MMGT1: variants seen among roughly 807,000 people sequenced by gnomAD.
MMGT1 encodes membrane magnesium transporter 1.
A neutral mutation model predicts 11.7 loss-of-function variants in MMGT1; 2 were observed. The observed-to-expected ratio is 0.17, with a 90% CI of 0.07 to 0.54. The LOEUF is 0.54. Among genes scored for constraint, MMGT1 ranks in the 20% least tolerant of loss-of-function variants. The pLI, the probability that MMGT1 is intolerant of heterozygous loss-of-function variation, is 0.94. For synonymous variants in MMGT1, 49 were observed against 44.4 expected (o/e 1.10, Z -0.41); for missense variants, 74 against 109.0 (o/e 0.68, Z 1.43).
intron 2 of MMGT1, among the ~76,000 whole-genome samples, chrX:135,970,143 T>C (rs1556612453): frequency 9.0e-6 from 1 of 111,143 alleles, no homozygotes; most frequent in African/African-American, 3.3e-5. Flanking sequence ...GGCAGATGGA[T>C]CACCTGAGGT....
At chrX:135,970,891 AGAGT>A (rs1556612535) in intron 2 of MMGT1, among the ~76,000 whole-genome samples, 163 bp downstream of exon 2, 4 of 111,911 alleles carry the variant, frequency 3.6e-5, no homozygotes, top group Non-Finnish European at 3.8e-5. Flanking sequence ...CCTGGGTGAC[AGAGT>A]GAGACTCCGT....
rs781859631 is a variant in MMGT1 at position 135,973,826 on chromosome X, T to A, written c.-151A>T. 8.6e-7 allele frequency: 1 copy of A among 1,159,024 alleles called. No individual in the cohort carries two copies. Among genetic ancestry groups the A allele is most frequent in the African/African-American group, 1.8e-5 (1 of 54,136 alleles). On this transcript the variant is annotated 5_prime_UTR_variant, in exon 1 of 4. Transcript: ENST00000305963. ...CAGTGGTGGAAAAGCCAGAGGGCTGTGAGAAAACGGAAACAGGAATGCCGG... is the reference window on the plus strand; with the variant it reads ...CAGTGGTGGAAAAGCCAGAGGGCTGAGAGAAAACGGAAACAGGAATGCCGG...
Position 135,973,721 on chromosome X carries a change from G to A in MMGT1, c.-46C>T, listed in dbSNP as rs950376129. 6.0e-6 allele frequency: 7 copies of A among 1,164,999 alleles called. No individual in the cohort carries two copies. The highest frequency in any genetic ancestry group is 2.6e-5 in the Admixed American group (1 of 38,481). ...CCAGCAAAAGAAGCGAAGGACGGCGGAGCTGTTTCTTCTTCCACCGGCGGG... is the reference window on the plus strand; with the variant it reads ...CCAGCAAAAGAAGCGAAGGACGGCGAAGCTGTTTCTTCTTCCACCGGCGGG... On this transcript the variant is annotated 5_prime_UTR_variant, in exon 1 of 4. Transcript: ENST00000305963.
At position 135,973,802 on chromosome X, in the gene MMGT1, A is replaced by G. The variant is rs2089236401; in HGVS notation, c.-127T>C. On this transcript the variant is annotated 5_prime_UTR_variant, in exon 1 of 4. Transcript: ENST00000305963. ...TGAAGTCCTGAGCGCAAAGTGTCTC[A>G]GTGGTGGAAAAGCCAGAGGGCTGTG... The G allele has an allele frequency of 8.6e-7, 1 of 1,164,592 alleles. No individual in the cohort carries two copies. Among genetic ancestry groups the G allele is most frequent in the Non-Finnish European group, 1.1e-6 (1 of 872,028 alleles).
intron 2 of MMGT1, among the ~76,000 whole-genome samples, chrX:135,969,749 C>CTATACATATGTATACATGTG (rs1354739677): frequency 8.9e-6 from 1 of 112,224 alleles, no homozygotes; most frequent in African/African-American, 3.2e-5. Flanking sequence ...AATTATAAAA[C>CTATACATATGTATACATGTG]TATACATATA....
Position 135,971,062 on chromosome X carries a change from A to G in MMGT1, c.128T>C (p.Ile43Thr). The G allele has an allele frequency of 8.6e-7, 1 of 1,164,763 alleles. No homozygotes were observed. The highest frequency in any genetic ancestry group is 2.4e-4 in the Middle Eastern group (1 of 4,214). The change falls in exon 2 of 4, where the codon ATA becomes ACA. Residue 43 changes from isoleucine (I) to threonine (T), a missense_variant. By Grantham distance (89) the Ile-to-Thr change is moderately conservative. Transcript: ENST00000305963. ...LTEKEDESLP[I>T]DIVLQTLLAF... ...GAATATAAATGACCAACTTACATCT[A>G]TTGGCAGTGATTCATCTTCTTTTTC... is the stretch of plus-strand genomic sequence containing the variant.
At position 135,973,900 on chromosome X, in the gene MMGT1, C is replaced by G; in HGVS notation, c.-225G>C. On this transcript the variant is annotated 5_prime_UTR_variant, in exon 1 of 4. Coordinates refer to ENST00000305963, the MANE Select transcript of MMGT1 (RefSeq NM_173470.3). The stretch of plus-strand genomic sequence containing the variant: ...AAAAGGTCCGCGAGAACCCACGAAC[C>G]TGCGCTATGGAGGCCTCTCTAGGAG... 8.7e-7 allele frequency: 1 copy of G among 1,150,044 alleles called. No individual in the cohort carries two copies. The highest frequency in any genetic ancestry group is 1.9e-5 in the South Asian group (1 of 51,515). 94.8% of individuals were successfully genotyped at this position (1,150,044 alleles called of 1,213,427 possible).
intron 2 of MMGT1, among the ~76,000 whole-genome samples, chrX:135,970,251 C>T (rs940671399): frequency 9.1e-6 from 1 of 109,684 alleles, no homozygotes; most frequent in Non-Finnish European, 1.9e-5. Context: ...CCTATAATCC[C>T]AGCTACTTGG....
Position 135,963,574 on chromosome X carries a change from C to A in MMGT1, c.*1450G>T, listed in dbSNP as rs782477186. The A allele has an allele frequency of 9.0e-6, 1 of 111,710 alleles. No homozygotes were observed. Among genetic ancestry groups the A allele is most frequent in the Non-Finnish European group, 1.9e-5 (1 of 53,113 alleles). 9.2% of individuals were successfully genotyped at this position (111,710 alleles called of 1,213,427 possible). ...GTGTTCCGCAGACAGACTGGGCTGG[C>A]GTAACAAACCAAAACTAAACAACAA... On this transcript the variant is annotated 3_prime_UTR_variant, in exon 4 of 4. Coordinates refer to ENST00000305963, the MANE Select transcript of MMGT1 (RefSeq NM_173470.3).
intron 3 of MMGT1, among the ~76,000 whole-genome samples, chrX:135,965,997 C>T (rs2089182909): frequency 8.9e-6 from 1 of 111,808 alleles, no homozygotes; most frequent in African/African-American, 3.3e-5. Context: ...CTACCACCTA[C>T]TTAATGACAT....
At chrX:135,966,688 CTTCT>C (rs1303141709) in intron 3 of MMGT1, among the ~76,000 whole-genome samples, 1 of 111,655 alleles carries the variant, frequency 9.0e-6, no homozygotes, top group Non-Finnish European at 1.9e-5. Flanking sequence ...ACTGTGACTC[CTTCT>C]AAGAAAATAT....
chrX:135,965,208 T>C, intron 3 of MMGT1, 25 bp from the exon 4 acceptor site: 1 of 1,149,211 alleles, frequency 8.7e-7, no homozygotes, highest in Non-Finnish European at 1.2e-6. Flanking sequence ...AAAGCATCAA[T>C]TTTAGATAAA....
rs1006870817 is a variant in MMGT1, at chrX:135,963,694, G to A, written c.*1330C>T. The stretch of plus-strand genomic sequence containing the variant: ...GTCCATTTCTAAAGGAAAATAAAAT[G>A]CCTACAAGTACAATGGCATCTTATG... On this transcript the variant is annotated 3_prime_UTR_variant, in exon 4 of 4. Transcript: ENST00000305963. 8.9e-6 allele frequency: 1 copy of A among 112,356 alleles called. No individual in the cohort carries two copies. The highest frequency in any genetic ancestry group is 3.2e-5 in the African/African-American group (1 of 30,785). 9.3% of individuals were successfully genotyped at this position (112,356 alleles called of 1,213,427 possible).
At chrX:135,966,590 C>G (rs1433027156) in intron 3 of MMGT1, among the ~76,000 whole-genome samples, 6 of 110,849 alleles carry the variant, frequency 5.4e-5, no homozygotes, top group African/African-American at 2.0e-4. Flanking sequence ...GACTCTGTCT[C>G]CATAAAGAAA....
At chrX:135,969,138 A>ATGTGTG (rs781886844) in intron 2 of MMGT1, among the ~76,000 whole-genome samples, 13 of 35,622 alleles carry the variant, frequency 3.6e-4, no homozygotes, top group Admixed American at 1.7e-3. Context: ...AGACATAAAT[A>ATGTGTG]TGTGTATGTG....
intron 1 of MMGT1, 40 bp downstream of exon 1, chrX:135,973,557 G>A (rs1556612801): frequency 9.1e-7 from 1 of 1,097,299 alleles, no homozygotes; most frequent in Non-Finnish European, 1.2e-6. Context: ...CCGCCCCTAG[G>A]GTTCCACACC....
rs1481443888 is a variant in MMGT1, at chrX:135,961,152, C to A, written c.*3872G>T. On this transcript the variant is annotated 3_prime_UTR_variant, in exon 4 of 4. Coordinates refer to ENST00000305963, the MANE Select transcript of MMGT1 (RefSeq NM_173470.3). ...CTCATTATATGTACAAGTATATTCA[C>A]CACAATGTGATTTAATATTGGAAAC... Among the ~76,000 whole-genome samples, 1 of 111,635 alleles carries A rather than the reference C, an allele frequency of 9.0e-6. No homozygotes were observed. Among genetic ancestry groups the A allele is most frequent in the African/African-American group, 3.3e-5 (1 of 30,731 alleles).
At chrX:135,970,524 A>G (rs1448289169) in intron 2 of MMGT1, among the ~76,000 whole-genome samples, 1 of 112,534 alleles carries the variant, frequency 8.9e-6, no homozygotes, top group Non-Finnish European at 1.9e-5. Flanking sequence ...TACTATGGAC[A>G]GAGCATCTTC....
chrX:135,964,778 T>A lies in MMGT1; in HGVS notation c.*246A>T, dbSNP rs782701311. 1.6e-4 allele frequency: 40 copies of A among 250,033 alleles called. No individual in the cohort carries two copies. The highest frequency in any genetic ancestry group is 2.4e-3 in the Middle Eastern group (2 of 845). 20.6% of individuals were successfully genotyped at this position (250,033 alleles called of 1,213,427 possible). A position where few individuals can be genotyped will look rare whatever the true frequency, so the allele number is the denominator to read the frequency against. ...AAAACAGTGGCTTTTACAAAAGATGTGGATTTGTTTTAAATGAAAAAAAAA... is the reference window on the plus strand; with the variant it reads ...AAAACAGTGGCTTTTACAAAAGATGAGGATTTGTTTTAAATGAAAAAAAAA... On this transcript the variant is annotated 3_prime_UTR_variant, in exon 4 of 4. Transcript: ENST00000305963.
Sources: allele counts gnomAD v4.1 joint callset (sites outside exome capture counted in the v4.1 genomes callset), GRCh38; gene constraint gnomAD v4.1.1; transcripts MANE v1.5; gene names NCBI Gene and HGNC (gene_info 2026-07-23, HGNC 2026-07-21).